SNX8: variants seen among roughly 807,000 people sequenced by gnomAD.
SNX8 encodes the protein sorting nexin-8.
In SNX8, 25 loss-of-function variants were observed where a neutral mutation model predicts 51.6. That is an observed-to-expected ratio of 0.48 (90% CI 0.35 to 0.68). The LOEUF (loss-of-function observed/expected upper bound fraction) is 0.68. Among genes scored for constraint, SNX8 ranks in the 30% least tolerant of loss-of-function variants. The probability of loss-of-function intolerance (pLI) is 0.00; values close to 1 mark genes in which losing one functional copy is unlikely to be tolerated. For missense variants in SNX8, 695 were observed against 624.0 expected (o/e 1.11, Z -1.21); for synonymous variants, 324 against 277.0 (o/e 1.17, Z -1.68).
At chr7:2,316,174 C>CACAA, upstream of SNX8, among the ~76,000 whole-genome samples, 3 of 148,954 alleles carry the variant, frequency 2.0e-5, no homozygotes, top group Middle Eastern at 3.8e-3. Context: ...CATTCATTCA[C>CACAA]CCACTCACTC....
chr7:2,285,003 G>C (rs1032331682), intron 1 of SNX8, among the ~76,000 whole-genome samples: 13 of 151,846 alleles, frequency 8.6e-5, no homozygotes, highest in African/African-American at 2.4e-4. Flanking sequence ...ACAAGGTCAG[G>C]AGATCGAGAC....
chr7:2,256,861 A>C lies in SNX8; in HGVS notation c.1284+13T>G, dbSNP rs764488552. Reference sequence around the variant, plus strand: ...CCGTGGCCGAGACGGCGGCCGGAGCAGGGCGGACTCACCTCCTTGTGCCCT... The same window carrying C: ...CCGTGGCCGAGACGGCGGCCGGAGCCGGGCGGACTCACCTCCTTGTGCCCT... On this transcript the variant is annotated intron_variant, in intron 10 of 10. Transcript: ENST00000222990. 1.2e-6 allele frequency: 2 copies of C among 1,605,554 alleles called. No individual in the cohort carries two copies. The highest frequency in any genetic ancestry group is 3.4e-5 in the Admixed American group (2 of 59,244).
At chr7:2,303,079 G>T (rs1796444676) in intron 1 of SNX8, among the ~76,000 whole-genome samples, 1 of 147,754 alleles carries the variant, frequency 6.8e-6, no homozygotes, top group East Asian at 2.1e-4. Flanking sequence ...CCCCCACCCG[G>T]CCAGCCGCCC....
chr7:2,346,928 A>G (rs1015941314), intron 1 of SNX8, among the ~76,000 whole-genome samples: 3 of 140,324 alleles, frequency 2.1e-5, no homozygotes, highest in African/African-American at 9.5e-5. Context: ...TCTCAAAAAA[A>G]AAAAAAAAAA....
intron 5 of SNX8, among the ~76,000 whole-genome samples, chr7:2,267,201 T>G (rs1292423115): frequency 1.3e-5 from 2 of 152,216 alleles, no homozygotes. Context: ...GTCAGCATAA[T>G]CCCTGCCACG....
intron 1 of SNX8, among the ~76,000 whole-genome samples, chr7:2,327,834 C>T (rs1407806942): frequency 3.9e-5 from 6 of 152,120 alleles, no homozygotes; most frequent in Admixed American, 2.6e-4. Context: ...TGAGCCACCG[C>T]GCCTGGCCAG....
intron 2 of SNX8, 135 bp from the exon 3 acceptor site, chr7:2,275,364 C>T (rs547220259): frequency 5.7e-6 from 4 of 696,992 alleles, no homozygotes; most frequent in African/African-American, 1.8e-5. Flanking sequence ...ATGGAGAAAC[C>T]CTGTGACGGC....
upstream of SNX8, among the ~76,000 whole-genome samples, chr7:2,319,411 G>C (rs1452264634): frequency 1.3e-5 from 2 of 152,204 alleles, no homozygotes; most frequent in Non-Finnish European, 2.9e-5. Context: ...TGTAATCCCA[G>C]CACTTTGGGA....
intron 1 of SNX8, among the ~76,000 whole-genome samples, chr7:2,336,675 T>C (rs1411379017): frequency 6.6e-6 from 1 of 151,512 alleles, no homozygotes; most frequent in East Asian, 1.9e-4. Flanking sequence ...GTCACTGCAC[T>C]CTAGCCTGGC....
intron 1 of SNX8, among the ~76,000 whole-genome samples, chr7:2,280,127 G>T (rs1056535668): frequency 3.3e-4 from 50 of 152,128 alleles, no homozygotes; most frequent in African/African-American, 1.1e-3. Context: ...CCACATGCAC[G>T]GAAGAATTAA....
intron 10 of SNX8, 90 bp from the exon 11 acceptor site, chr7:2,255,259 A>C: frequency 1.2e-6 from 1 of 814,488 alleles, no homozygotes; most frequent in South Asian, 1.8e-5. Context: ...TGCCAGTGAC[A>C]GGGAGGGAGG....
In SNX8 at chr7:2,256,862, G is replaced by C; in HGVS notation, c.1284+12C>G. 1 of 1,607,956 alleles carries C rather than the reference G, an allele frequency of 6.2e-7. No homozygotes were observed. The highest frequency in any genetic ancestry group is 8.5e-7 in the Non-Finnish European group (1 of 1,176,590). The stretch of plus-strand genomic sequence containing the variant: ...CGTGGCCGAGACGGCGGCCGGAGCA[G>C]GGCGGACTCACCTCCTTGTGCCCTT... On this transcript the variant is annotated intron_variant, in intron 10 of 10. Coordinates refer to ENST00000222990, the MANE Select transcript of SNX8 (RefSeq NM_013321.4).
chr7:2,282,972 T>G (rs1795941484), intron 1 of SNX8, among the ~76,000 whole-genome samples: 1 of 151,584 alleles, frequency 6.6e-6, no homozygotes, highest in Admixed American at 6.6e-5. Flanking sequence ...ATACAAAAAA[T>G]TAGCCGGGCG....
rs116458684 is a variant in SNX8, at chr7:2,304,966, G to C, written c.94+9362C>G. On this transcript the variant is annotated intron_variant, in intron 1 of 10. Transcript: ENST00000222990. Reference sequence around the variant, plus strand: ...TAATGAATATCATCTGACTCTCCTTGACAGCTTTGGCCAGAGAGCTGCTTT... The same window carrying C: ...TAATGAATATCATCTGACTCTCCTTCACAGCTTTGGCCAGAGAGCTGCTTT... Among the ~76,000 whole-genome samples the C allele has an allele frequency of 3.2e-3, 491 of 152,302 alleles. 5 individuals are homozygous for C. The highest frequency in any genetic ancestry group is 0.012 in the African/African-American group (483 of 41,570).
intron 1 of SNX8, among the ~76,000 whole-genome samples, chr7:2,323,294 C>T (rs147291518): frequency 3.4e-5 from 5 of 148,182 alleles, no homozygotes; most frequent in African/African-American, 1.0e-4. Flanking sequence ...TGTGCCACTG[C>T]CCTCCAGCCA....
At chr7:2,289,292 A>C (rs551633341) in intron 1 of SNX8, among the ~76,000 whole-genome samples, 1 of 152,186 alleles carries the variant, frequency 6.6e-6, no homozygotes, top group Non-Finnish European at 1.5e-5. Context: ...CTTGGTGGAC[A>C]TATGTGTGCC....
intron 1 of SNX8, among the ~76,000 whole-genome samples, chr7:2,344,382 C>T (rs1289392017): frequency 1.3e-5 from 2 of 151,526 alleles, no homozygotes; most frequent in Non-Finnish European, 2.9e-5. Context: ...GAGGCCCAGA[C>T]GGGCGGATCA....
intron 1 of SNX8, among the ~76,000 whole-genome samples, chr7:2,326,697 ATAAAT>A (rs1778628262): frequency 6.6e-6 from 1 of 152,112 alleles, no homozygotes; most frequent in African/African-American, 2.4e-5. Flanking sequence ...ATTGAATTAA[ATAAAT>A]TAAAGGGATA....
intron 1 of SNX8, among the ~76,000 whole-genome samples, chr7:2,311,944 A>AAAAAAAAAGACC (rs1268512506): frequency 2.0e-4 from 30 of 151,988 alleles, no homozygotes; most frequent in Non-Finnish European, 3.4e-4. Context: ...CTCAAGAAAA[A>AAAAAAAAAGACC]AAAAAAAAGA....
Sources: allele counts gnomAD v4.1 joint callset (sites outside exome capture counted in the v4.1 genomes callset), GRCh38; gene constraint gnomAD v4.1.1; transcripts MANE v1.5; gene names NCBI Gene and HGNC (gene_info 2026-07-23, HGNC 2026-07-21).